DYSF: variants seen among roughly 807,000 people sequenced by gnomAD.
DYSF encodes the protein dysferlin, also known as dystrophy-associated fer-1-like 1.
In DYSF, 212 loss-of-function variants were observed where a neutral mutation model predicts 274.9. That is an observed-to-expected ratio of 0.77 (90% confidence interval 0.69 to 0.86). The LOEUF (loss-of-function observed/expected upper bound fraction) is 0.86, where lower values mean the gene tolerates loss of function less well. DYSF is among the 40% of genes least tolerant of loss of function. The pLI is 0.00. For synonymous variants in DYSF, 1,091 were observed against 1,078.7 expected (o/e 1.01, Z -0.22); for missense variants, 2,666 against 2,783.2 (o/e 0.96, Z 0.95).
intron 29 of DYSF, among the ~76,000 whole-genome samples, chr2:71,573,394 C>G (rs1286516883): frequency 6.6e-6 from 1 of 152,204 alleles, no homozygotes; most frequent in Non-Finnish European, 1.5e-5. Context: ...GCCCTTGTCA[C>G]TGTGCTCCTG....
At chr2:71,572,009 C>T (rs570207855) in intron 29 of DYSF, among the ~76,000 whole-genome samples, 2 of 149,340 alleles carry the variant, frequency 1.3e-5, no homozygotes, top group African/African-American at 5.0e-5. Context: ...GCACAGATCA[C>T]ACTCAGCACA....
At chr2:71,608,483 G>A (rs538292160) in intron 36 of DYSF, among the ~76,000 whole-genome samples, 27 of 152,234 alleles carry the variant, frequency 1.8e-4, no homozygotes, top group African/African-American at 6.3e-4. Context: ...TGCATGCTGT[G>A]GCCTCATGCT....
intron 30 of DYSF, among the ~76,000 whole-genome samples, chr2:71,585,858 A>G (rs907365086): frequency 2.0e-5 from 3 of 152,104 alleles, no homozygotes; most frequent in African/African-American, 7.2e-5. Flanking sequence ...GGGGAAATTC[A>G]GGGCGAAGTG....
intron 32 of DYSF, among the ~76,000 whole-genome samples, chr2:71,597,574 T>C (rs528583039): frequency 6.6e-6 from 1 of 152,310 alleles, no homozygotes; most frequent in South Asian, 2.1e-4. Context: ...GCAGCCTGAA[T>C]GAACCTTCCA....
At chr2:71,570,449 CTTGAAG>C in intron 28 of DYSF, 115 bp downstream of exon 28, 1 of 1,415,292 alleles carries the variant, frequency 7.1e-7, no homozygotes, top group Non-Finnish European at 9.8e-7. Flanking sequence ...AGGGACGCTT[CTTGAAG>C]GCACCCCCCA....
At chr2:71,510,067 C>T (rs1412258868) in intron 4 of DYSF, among the ~76,000 whole-genome samples, 1 of 152,234 alleles carries the variant, frequency 6.6e-6, no homozygotes, top group East Asian at 1.9e-4. Flanking sequence ...ACCACCTCGC[C>T]CAGGCTCTTT....
At chr2:71,665,567 G>A (rs570602882) in intron 47 of DYSF, among the ~76,000 whole-genome samples, 52 of 152,316 alleles carry the variant, frequency 3.4e-4, no homozygotes, top group Non-Finnish European at 5.0e-4. Context: ...GGGCCCATCC[G>A]AGGGCAAGAT....
chr2:71,479,251 G>T (rs2082679273), intron 1 of DYSF, among the ~76,000 whole-genome samples: 1 of 151,618 alleles, frequency 6.6e-6, no homozygotes, highest in Non-Finnish European at 1.5e-5. Flanking sequence ...CTTACTGGAA[G>T]TGCCCAGGGC....
intron 13 of DYSF, 60 bp from the exon 14 acceptor site, chr2:71,528,238 A>C: frequency 6.9e-7 from 1 of 1,458,118 alleles, no homozygotes; most frequent in Non-Finnish European, 9.5e-7. Flanking sequence ...GATGGGGGAC[A>C]GTCAGGGTTT....
chr2:71,650,105 A>G (rs773238759), intron 42 of DYSF, among the ~76,000 whole-genome samples: 2 of 152,238 alleles, frequency 1.3e-5, no homozygotes, highest in Admixed American at 6.5e-5. Context: ...TACAGGAGAT[A>G]TGAGAAGCAA....
chr2:71,673,320 A>G (rs966374980), intron 51 of DYSF, among the ~76,000 whole-genome samples: 2 of 152,184 alleles, frequency 1.3e-5, no homozygotes, highest in African/African-American at 4.8e-5. Flanking sequence ...CACACCGCTC[A>G]GTTGCTCCAT....
rs1214594848 is a variant in DYSF, at chr2:71,674,229, C to T, written c.5817C>T (p.Ser1939=). The T allele has an allele frequency of 6.2e-7, 1 of 1,614,198 alleles. No individual in the cohort carries two copies. The highest frequency in any genetic ancestry group is 8.5e-7 in the Non-Finnish European group (1 of 1,180,044). Residue 1939 remains serine (S), a synonymous_variant, in exon 52 of 56, where the codon AGC becomes AGT. Transcript: ENST00000410020. ...DAFWRLDKTE[S]KIPARVVFQI... ...TCTGGAGGCTGGACAAGACTGAGAG[C>T]AAAATCCCAGCACGAGTGGTGTTCC...
At chr2:71,475,845 T>A (rs1035511541) in intron 1 of DYSF, among the ~76,000 whole-genome samples, 1 of 152,194 alleles carries the variant, frequency 6.6e-6, no homozygotes, top group African/African-American at 2.4e-5. Context: ...CACAGCTCAC[T>A]GCAGCCTCAA....
chr2:71,664,717 A>G (rs907309811), intron 46 of DYSF, among the ~76,000 whole-genome samples: 3 of 152,228 alleles, frequency 2.0e-5, no homozygotes, highest in Admixed American at 6.5e-5. Flanking sequence ...TGCACATAGA[A>G]GGCCTAGAGA....
chr2:71,679,834 G>A (rs1180031930), intron 53 of DYSF, among the ~76,000 whole-genome samples: 1 of 152,190 alleles, frequency 6.6e-6, no homozygotes, highest in Non-Finnish European at 1.5e-5. Context: ...AAGGAAAAAT[G>A]AGAAAACGAC....
intron 51 of DYSF, among the ~76,000 whole-genome samples, chr2:71,670,079 G>A (rs188129006): frequency 2.8e-4 from 43 of 152,154 alleles, no homozygotes; most frequent in African/African-American, 8.9e-4. Flanking sequence ...TGGCACTACC[G>A]TGGTCCCACC....
intron 20 of DYSF, 70 bp downstream of exon 20, chr2:71,553,258 G>A (rs753525353): frequency 1.7e-4 from 278 of 1,603,230 alleles, no homozygotes; most frequent in Non-Finnish European, 2.2e-4. Flanking sequence ...CTTAAATCCC[G>A]CCTCCCATGG....
intron 42 of DYSF, among the ~76,000 whole-genome samples, chr2:71,644,805 G>C (rs768365352): frequency 1.3e-5 from 2 of 152,240 alleles, no homozygotes; most frequent in Admixed American, 6.5e-5. Flanking sequence ...TTAAAATTCA[G>C]GATGCCCAGT....
intron 50 of DYSF, among the ~76,000 whole-genome samples, 168 bp downstream of exon 50, chr2:71,669,375 A>G (rs958965604): frequency 6.6e-6 from 1 of 152,198 alleles, no homozygotes; most frequent in East Asian, 1.9e-4. Context: ...CTCTCCCACC[A>G]GATTTCTTTT....
Sources: allele counts gnomAD v4.1 joint callset (sites outside exome capture counted in the v4.1 genomes callset), GRCh38; gene constraint gnomAD v4.1.1; transcripts MANE v1.5; gene names NCBI Gene and HGNC (gene_info 2026-07-23, HGNC 2026-07-21).